The following ELMO1 variants were observed in gnomAD, a reference collection of about 807,000 sequenced individuals.
ELMO1 encodes engulfment and cell motility protein 1.
A neutral mutation model predicts 98.9 loss-of-function variants in ELMO1; 26 were observed. The ratio of observed to expected loss-of-function variants is 0.26; its 90% CI spans 0.19 to 0.36. The LOEUF (loss-of-function observed/expected upper bound fraction) is 0.36, where lower values mean the gene tolerates loss of function less well. ELMO1 is among the 10% of genes least tolerant of loss of function. The pLI is 1.00. For synonymous variants in ELMO1, 346 were observed against 346.0 expected (o/e 1.00, Z 0.00); for missense variants, 627 against 935.2 (o/e 0.67, Z 4.30).
intron 15 of ELMO1, among the ~76,000 whole-genome samples, chr7:37,094,113 T>C (rs60822824): frequency 0.17 from 25,198 of 152,136 alleles, 2,853 homozygotes; most frequent in African/African-American, 0.32. Context: ...TTGTAAGTAC[T>C]GGATAGATTT....
chr7:37,268,274 C>T (rs1796366122), intron 5 of ELMO1, among the ~76,000 whole-genome samples: 1 of 152,166 alleles, frequency 6.6e-6, no homozygotes, highest in Admixed American at 6.5e-5. Flanking sequence ...AGGTCACACA[C>T]ATTTGCACAC....
At chr7:37,192,813 AATG>A (rs1791680448) in intron 13 of ELMO1, among the ~76,000 whole-genome samples, 2 of 147,346 alleles carry the variant, frequency 1.4e-5, no homozygotes, top group African/African-American at 5.0e-5. Flanking sequence ...AAAAAAAAAA[AATG>A]TGTGTGTGTG....
chr7:37,086,405 A>G (rs1255314210), intron 15 of ELMO1, among the ~76,000 whole-genome samples: 2 of 151,424 alleles, frequency 1.3e-5, no homozygotes, highest in East Asian at 1.9e-4. Context: ...ATGATAAAAC[A>G]TATGTGGCAA....
intron 15 of ELMO1, among the ~76,000 whole-genome samples, chr7:37,033,606 G>A (rs1025670043): frequency 6.6e-6 from 1 of 152,074 alleles, no homozygotes. Context: ...CAAGGGTCCC[G>A]GTACACTGAA....
chr7:36,937,469 C>T (rs940491917), intron 16 of ELMO1, among the ~76,000 whole-genome samples: 1 of 152,324 alleles, frequency 6.6e-6, no homozygotes, highest in African/African-American at 2.4e-5. Context: ...TGCTCCAAAA[C>T]TAGGAGACCA....
chr7:37,392,606 A>C (rs1327435597), intron 1 of ELMO1, among the ~76,000 whole-genome samples: 1 of 152,178 alleles, frequency 6.6e-6, no homozygotes, highest in African/African-American at 2.4e-5. Context: ...ATCTGCTGCC[A>C]GGTGTGAGGC....
In ELMO1 at chr7:36,853,316, C is replaced by A. The variant is rs1801977196; in HGVS notation, c.*2235G>T. ...GTGCCAGAAGAGAGAGGGGCTGGAT[C>A]TCCCCAACCAAGGTCACAGGACAGA... On this transcript the variant is annotated 3_prime_UTR_variant, in exon 22 of 22. Coordinates refer to ENST00000310758, the MANE Select transcript of ELMO1 (RefSeq NM_014800.11). Among the ~76,000 whole-genome samples, 1 of 152,208 alleles carries A rather than the reference C, an allele frequency of 6.6e-6. No individual in the cohort carries two copies. Among genetic ancestry groups the A allele is most frequent in the South Asian group, 2.1e-4 (1 of 4,824 alleles).
intron 14 of ELMO1, among the ~76,000 whole-genome samples, chr7:37,104,390 A>T (rs76151663): frequency 0.034 from 5,235 of 152,178 alleles, 260 homozygotes; most frequent in African/African-American, 0.11. Context: ...GGCTGCTGGG[A>T]GGCTCCCCTA....
chr7:37,182,764 A>G (rs1790964428), intron 13 of ELMO1, among the ~76,000 whole-genome samples: 1 of 151,808 alleles, frequency 6.6e-6, no homozygotes, highest in Non-Finnish European at 1.5e-5. Context: ...CCCGTGTGAG[A>G]CTCTGGGCAG....
intron 16 of ELMO1, among the ~76,000 whole-genome samples, chr7:37,004,148 C>T (rs1792883069): frequency 6.6e-6 from 1 of 152,156 alleles, no homozygotes; most frequent in Admixed American, 6.5e-5. Flanking sequence ...AACTCTGGTT[C>T]CTATCTGCCC....
At chr7:37,051,535 T>TATGTTTCC (rs910469236) in intron 15 of ELMO1, among the ~76,000 whole-genome samples, 2 of 152,192 alleles carry the variant, frequency 1.3e-5, no homozygotes, top group African/African-American at 4.8e-5. Flanking sequence ...TTTCACTTGC[T>TATGTTTCC]ATGTTTCCTG....
chr7:37,238,259 T>A (rs762580910), intron 7 of ELMO1, among the ~76,000 whole-genome samples: 1 of 152,210 alleles, frequency 6.6e-6, no homozygotes, highest in Non-Finnish European at 1.5e-5. Flanking sequence ...TAAATAGATA[T>A]TGCATGTCTA....
At chr7:37,188,815 G>C (rs1192154473) in intron 13 of ELMO1, among the ~76,000 whole-genome samples, 1 of 152,110 alleles carries the variant, frequency 6.6e-6, no homozygotes. Context: ...TGAAATGCCT[G>C]GATGTGTCCC....
chr7:37,348,781 A>G (rs1420196848), intron 1 of ELMO1, among the ~76,000 whole-genome samples: 1 of 152,076 alleles, frequency 6.6e-6, no homozygotes, highest in Non-Finnish European at 1.5e-5. Flanking sequence ...TCTCTTAAAG[A>G]TCTGTTACAT....
intron 1 of ELMO1, among the ~76,000 whole-genome samples, chr7:37,357,168 G>C (rs1173539390): frequency 1.3e-5 from 2 of 152,106 alleles, no homozygotes; most frequent in Non-Finnish European, 2.9e-5. Context: ...ATGGGGCTTT[G>C]GGTCTTTGTT....
At chr7:36,899,700 T>TTTTTTTTTTTTTTTTTTTA (rs60221089) in intron 16 of ELMO1, among the ~76,000 whole-genome samples, 2 of 143,658 alleles carry the variant, frequency 1.4e-5, no homozygotes, top group African/African-American at 5.3e-5. Flanking sequence ...TTTTTTTTTT[T>TTTTTTTTTTTTTTTTTTTA]ACCACTCCTA....
intron 1 of ELMO1, among the ~76,000 whole-genome samples, chr7:37,431,813 G>A (rs1804942295): frequency 1.3e-5 from 2 of 151,984 alleles, no homozygotes; most frequent in South Asian, 4.2e-4. Flanking sequence ...ACATCACTGT[G>A]GCCTCAGTTA....
intron 16 of ELMO1, among the ~76,000 whole-genome samples, chr7:36,940,814 G>A (rs1786967539): frequency 6.6e-6 from 1 of 152,256 alleles, no homozygotes; most frequent in South Asian, 2.1e-4. Flanking sequence ...TACAACAAGA[G>A]TTTCTTCATC....
At chr7:37,197,438 G>C (rs992776873) in intron 13 of ELMO1, among the ~76,000 whole-genome samples, 1 of 152,198 alleles carries the variant, frequency 6.6e-6, no homozygotes, top group Non-Finnish European at 1.5e-5. Flanking sequence ...AGACATGTCC[G>C]AGTCTGGACG....
Sources: allele counts gnomAD v4.1 joint callset (sites outside exome capture counted in the v4.1 genomes callset), GRCh38; gene constraint gnomAD v4.1.1; transcripts MANE v1.5; gene names NCBI Gene and HGNC (gene_info 2026-07-23, HGNC 2026-07-21).